Variants in NDUFAF2 observed in about 807,000 individuals in gnomAD.
NDUFAF2 encodes NADH dehydrogenase [ubiquinone] 1 alpha subcomplex assembly factor 2.
NDUFAF2 carries 13 observed loss-of-function variants against 22.8 expected under a neutral mutation model. The ratio of observed to expected loss-of-function variants is 0.57; its 90% CI spans 0.37 to 0.91. The LOEUF is 0.91. Ranked by LOEUF, NDUFAF2 falls within the 40% of genes least tolerant of loss-of-function variation. NDUFAF2 has a pLI of 0.01. For missense variants in NDUFAF2, 162 were observed against 195.2 expected, an observed-to-expected ratio of 0.83 and a Z score of 1.01; for synonymous variants, 53 against 64.2, an observed-to-expected ratio of 0.83 and a Z score of 0.84.
chr5:60,985,211 G>C (rs1035394923), intron 1 of NDUFAF2, among the ~76,000 whole-genome samples: 1 of 152,116 alleles, frequency 6.6e-6, no homozygotes. Context: ...TATGATGGTA[G>C]TTTGTATTTC....
chr5:60,973,691 T>G (rs1179843202), intron 1 of NDUFAF2, among the ~76,000 whole-genome samples: 1 of 152,216 alleles, frequency 6.6e-6, no homozygotes, highest in Non-Finnish European at 1.5e-5. Context: ...AGAATATGTC[T>G]TGGAGTTGAT....
At chr5:60,975,242 A>G (rs897561770) in intron 1 of NDUFAF2, among the ~76,000 whole-genome samples, 6 of 152,104 alleles carry the variant, frequency 3.9e-5, no homozygotes, top group Non-Finnish European at 7.3e-5. Flanking sequence ...CGACACTCCA[A>G]TTTATTTGGC....
intron 1 of NDUFAF2, among the ~76,000 whole-genome samples, chr5:60,964,153 A>C (rs1208597694): frequency 6.6e-6 from 1 of 152,162 alleles, no homozygotes; most frequent in East Asian, 1.9e-4. Context: ...TTAACTCTTC[A>C]ACAATTTTAG....
At chr5:60,993,350 T>G (rs1380933684) in intron 1 of NDUFAF2, among the ~76,000 whole-genome samples, 1 of 152,228 alleles carries the variant, frequency 6.6e-6, no homozygotes, top group Non-Finnish European at 1.5e-5. Flanking sequence ...CCTGAAGAGT[T>G]GCAGCTCTTC....
chr5:61,035,003 C>T (rs1442866937), intron 1 of NDUFAF2, among the ~76,000 whole-genome samples: 2 of 150,826 alleles, frequency 1.3e-5, no homozygotes, highest in East Asian at 3.9e-4. Flanking sequence ...TAAATATCCA[C>T]GTGGAGCTAA....
chr5:61,042,203 A>C (rs1347010274), intron 1 of NDUFAF2, among the ~76,000 whole-genome samples: 1 of 152,154 alleles, frequency 6.6e-6, no homozygotes, highest in Non-Finnish European at 1.5e-5. Context: ...TAAACAAATA[A>C]TTCCATGATT....
chr5:60,994,489 A>G (rs910417508), intron 1 of NDUFAF2, among the ~76,000 whole-genome samples: 1 of 152,168 alleles, frequency 6.6e-6, no homozygotes, highest in African/African-American at 2.4e-5. Context: ...GGGTCTGTGG[A>G]GTGTGTAGCC....
At chr5:60,998,842 A>G (rs1460563968) in intron 1 of NDUFAF2, among the ~76,000 whole-genome samples, 1 of 151,982 alleles carries the variant, frequency 6.6e-6, no homozygotes, top group Non-Finnish European at 1.5e-5. Flanking sequence ...ACTTGTTGTT[A>G]AGGTGAGATT....
At chr5:60,990,282 A>G (rs1001485222) in intron 1 of NDUFAF2, among the ~76,000 whole-genome samples, 9 of 152,132 alleles carry the variant, frequency 5.9e-5, no homozygotes, top group African/African-American at 2.2e-4. Context: ...CACAATAACT[A>G]AAAGAGTATA....
At chr5:61,147,423 ATTTTTTTTTCTTTCT>A (rs1480992262) in intron 3 of NDUFAF2, among the ~76,000 whole-genome samples, 2 of 54,018 alleles carry the variant, frequency 3.7e-5, no homozygotes, top group African/African-American at 1.2e-4. Context: ...TAATTTTTGT[ATTTTTTTTTCTTTCT>A]TTTTTTTTTT....
chr5:61,114,941 A>AGG (rs760237910), intron 3 of NDUFAF2: 1 of 152,308 alleles, frequency 6.6e-6, no homozygotes, highest in African/African-American at 2.4e-5. Flanking sequence ...TCAAGGCCCT[A>AGG]GGGCTCCACA....
intron 1 of NDUFAF2, among the ~76,000 whole-genome samples, chr5:61,026,894 T>A (rs1385844968): frequency 2.6e-5 from 4 of 151,868 alleles, no homozygotes; most frequent in Admixed American, 2.0e-4. Flanking sequence ...GGATTGTAGG[T>A]GAACTGAAGG....
At chr5:61,148,474 T>C (rs1741172917) in intron 3 of NDUFAF2, among the ~76,000 whole-genome samples, 3 of 152,252 alleles carry the variant, frequency 2.0e-5, no homozygotes, top group African/African-American at 7.2e-5. Context: ...AAGTTTGCTA[T>C]GTTTATTTTT....
At chr5:60,949,676 G>A (rs548171189) in intron 1 of NDUFAF2, among the ~76,000 whole-genome samples, 36 of 152,286 alleles carry the variant, frequency 2.4e-4, no homozygotes, top group Admixed American at 1.8e-3. Context: ...ATTGGATAAC[G>A]TAGCATTTAA....
chr5:61,049,814 T>TTATATA (rs1380818534), intron 1 of NDUFAF2, among the ~76,000 whole-genome samples: 1 of 150,950 alleles, frequency 6.6e-6, no homozygotes, highest in Non-Finnish European at 1.5e-5. Flanking sequence ...ATGTGTGTAT[T>TTATATA]TATATACATA....
At chr5:61,118,640 ATACTTAAAGCATGCAT>A (rs1752941552) in intron 3 of NDUFAF2, among the ~76,000 whole-genome samples, 1 of 152,212 alleles carries the variant, frequency 6.6e-6, no homozygotes, top group Admixed American at 6.5e-5. Context: ...TGACAAAGAT[ATACTTAAAGCATGCAT>A]TCAGTATACA....
chr5:61,053,200 G>A (rs1228923351), intron 1 of NDUFAF2, among the ~76,000 whole-genome samples: 1 of 152,170 alleles, frequency 6.6e-6, no homozygotes, highest in Non-Finnish European at 1.5e-5. Context: ...AGAACTGCAT[G>A]GCCTACCTGA....
At position 61,040,251 on chromosome 5, in the gene NDUFAF2, GACACACACACACAC is replaced by G. The variant is rs55910021; in HGVS notation, c.128-32851_128-32838del. On this transcript the variant is annotated intron_variant, in intron 1 of 3. Transcript: ENST00000296597. ...TGGTATCTTTATAGGAAGAGGAAAG[GACACACACACACAC>G]ACACACACACACACACACACACGCG... Among the ~76,000 whole-genome samples the G allele has an allele frequency of 6.5e-4, 86 of 131,980 alleles. 1 individual carries two copies. The highest frequency in any genetic ancestry group is 2.2e-3 in the African/African-American group (79 of 36,072). The allele number at this position is 131,980 out of a possible 152,430, so 86.6% of individuals were successfully genotyped here.
chr5:61,136,007 AT>A, intron 3 of NDUFAF2, among the ~76,000 whole-genome samples: 1 of 14,892 alleles, frequency 6.7e-5, no homozygotes, highest in Non-Finnish European at 1.4e-4. Flanking sequence ...GCCTGTCTTT[AT>A]ATATATATAT....
Sources: allele counts gnomAD v4.1 joint callset (sites outside exome capture counted in the v4.1 genomes callset), GRCh38; gene constraint gnomAD v4.1.1; transcripts MANE v1.5; gene names NCBI Gene and HGNC (gene_info 2026-07-23, HGNC 2026-07-21).